The following EFNA5 variants were observed in gnomAD, a reference collection of about 807,000 sequenced individuals.
The protein encoded by EFNA5 is ephrin-A5.
Under a neutral mutation model 22.9 loss-of-function variants are expected in EFNA5, and 5 were observed. The observed-to-expected ratio is 0.22, with a 90% CI of 0.11 to 0.46. The LOEUF (loss-of-function observed/expected upper bound fraction) is 0.46, where lower values mean the gene tolerates loss of function less well. EFNA5 is among the 20% of genes least tolerant of loss of function. The probability of loss-of-function intolerance (pLI) is 0.99; values close to 1 mark genes in which losing one functional copy is unlikely to be tolerated. For synonymous variants in EFNA5, 113 were observed against 112.2 expected (o/e 1.01, Z -0.04); for missense variants, 237 against 293.3 (o/e 0.81, Z 1.40).
At chr5:107,639,972 T>C (rs781070739) in intron 1 of EFNA5, among the ~76,000 whole-genome samples, 4 of 152,182 alleles carry the variant, frequency 2.6e-5, no homozygotes, top group Non-Finnish European at 5.9e-5. Flanking sequence ...TATGTGTCAC[T>C]TATGAAAAAC....
intron 1 of EFNA5, among the ~76,000 whole-genome samples, chr5:107,467,876 G>C (rs1263911237): frequency 6.6e-6 from 1 of 152,168 alleles, no homozygotes; most frequent in Admixed American, 6.5e-5. Flanking sequence ...TCATCAGAAA[G>C]AGGTAACAAA....
intron 1 of EFNA5, among the ~76,000 whole-genome samples, chr5:107,513,048 G>C (rs1249367823): frequency 6.6e-6 from 1 of 152,136 alleles, no homozygotes; most frequent in East Asian, 1.9e-4. Context: ...AGGAGGAATG[G>C]ACTCAGGGAT....
intron 1 of EFNA5, among the ~76,000 whole-genome samples, chr5:107,489,102 T>A (rs1001420853): frequency 1.3e-5 from 2 of 152,224 alleles, no homozygotes; most frequent in Admixed American, 6.5e-5. Flanking sequence ...TAATAGGTTA[T>A]CAATAAGTTA....
intron 1 of EFNA5, among the ~76,000 whole-genome samples, chr5:107,539,491 C>T (rs1204593440): frequency 4.6e-5 from 7 of 152,162 alleles, no homozygotes; most frequent in Admixed American, 3.3e-4. Context: ...AAAAGTCTTG[C>T]TCTTTTGCCC....
intron 1 of EFNA5, among the ~76,000 whole-genome samples, chr5:107,428,412 C>T (rs1748861106): frequency 6.6e-6 from 1 of 152,204 alleles, no homozygotes; most frequent in Non-Finnish European, 1.5e-5. Flanking sequence ...CACCTGAATA[C>T]ACACACCTCC....
intron 1 of EFNA5, among the ~76,000 whole-genome samples, chr5:107,566,180 G>T (rs1240027559): frequency 6.6e-6 from 1 of 152,138 alleles, no homozygotes; most frequent in South Asian, 2.1e-4. Context: ...TGGCACGCAG[G>T]ACCGGTCAAG....
chr5:107,545,278 G>A (rs1209475412), intron 1 of EFNA5, among the ~76,000 whole-genome samples: 1 of 152,216 alleles, frequency 6.6e-6, no homozygotes, highest in African/African-American at 2.4e-5. Flanking sequence ...CCAGAGCTAT[G>A]GGCCACATTT....
At chr5:107,657,291 A>G (rs1357674043) in intron 1 of EFNA5, among the ~76,000 whole-genome samples, 1 of 152,164 alleles carries the variant, frequency 6.6e-6, no homozygotes, top group African/African-American at 2.4e-5. Context: ...AAATTTAACA[A>G]TCTTTGAAGC....
chr5:107,659,499 T>A (rs947940887), intron 1 of EFNA5, among the ~76,000 whole-genome samples: 13 of 146,228 alleles, frequency 8.9e-5, no homozygotes, highest in African/African-American at 3.4e-4. Flanking sequence ...GGTTTTCCTT[T>A]TTTTTTTTTT....
intron 1 of EFNA5, among the ~76,000 whole-genome samples, chr5:107,453,453 AT>A (rs1385213817): frequency 1.3e-5 from 2 of 152,330 alleles, no homozygotes; most frequent in East Asian, 3.9e-4. Context: ...TGAGCCTATT[AT>A]ATATGGGACT....
intron 2 of EFNA5, among the ~76,000 whole-genome samples, chr5:107,399,001 C>T (rs762338508): frequency 5.9e-5 from 9 of 151,998 alleles, no homozygotes; most frequent in Non-Finnish European, 1.2e-4. Flanking sequence ...GGTCCTTGTC[C>T]GAGAACTAGA....
At chr5:107,547,990 G>T (rs947155521) in intron 1 of EFNA5, among the ~76,000 whole-genome samples, 1 of 152,108 alleles carries the variant, frequency 6.6e-6, no homozygotes, top group African/African-American at 2.4e-5. Flanking sequence ...TCCTAAGAAG[G>T]TCTATATAAA....
intron 1 of EFNA5, among the ~76,000 whole-genome samples, chr5:107,467,194 G>C (rs1347148337): frequency 6.6e-6 from 1 of 152,034 alleles, no homozygotes; most frequent in Non-Finnish European, 1.5e-5. Flanking sequence ...TCATCACTTA[G>C]GGCAGTACTT....
At chr5:107,638,085 C>A (rs1750422432) in intron 1 of EFNA5, among the ~76,000 whole-genome samples, 1 of 151,878 alleles carries the variant, frequency 6.6e-6, no homozygotes, top group African/African-American at 2.4e-5. Flanking sequence ...GATCTCCTGA[C>A]CTCATGATCC....
In EFNA5 at chr5:107,670,523, G is replaced by T; in HGVS notation, c.91C>A (p.Arg31Ser). 1.9e-6 allele frequency: 3 copies of T among 1,580,824 alleles called. No individual in the cohort carries two copies. Among genetic ancestry groups the T allele is most frequent in the Non-Finnish European group, 2.6e-6 (3 of 1,162,646 alleles). The stretch of plus-strand genomic sequence containing the variant: ...CTGCTGTTCCAGTAGACAGCGTAGC[G>T]GTCGGCGACGGCCTTGGAGCCCGGG... ...QDPGSKAVAD[R>S]YAVYWNSSNP... is the part of the protein sequence containing the mutation. Residue 31 changes from arginine (R) to serine (S), a missense_variant, in exon 1 of 5, where the codon CGC (arginine) becomes AGC (serine). Transcript: ENST00000333274.
intron 1 of EFNA5, among the ~76,000 whole-genome samples, chr5:107,495,426 G>A (rs1422280038): frequency 2.0e-5 from 3 of 152,226 alleles, no homozygotes; most frequent in African/African-American, 4.8e-5. Context: ...AACTCCAGAC[G>A]CGCCACCTTA....
At chr5:107,386,218 T>C (rs1478007732) in intron 4 of EFNA5, among the ~76,000 whole-genome samples, 1 of 129,596 alleles carries the variant, frequency 7.7e-6, no homozygotes, top group East Asian at 2.2e-4. Context: ...GAAGAGGAAA[T>C]AATTTTATTT....
intron 1 of EFNA5, among the ~76,000 whole-genome samples, chr5:107,607,966 A>G (rs931317053): frequency 1.3e-5 from 2 of 152,054 alleles, no homozygotes; most frequent in African/African-American, 4.8e-5. Flanking sequence ...CTGGTAGTCC[A>G]AGCGATCTAC....
rs1747351641 is a variant in EFNA5 at position 107,378,949 on chromosome 5, C to A, written c.*2306G>T. On this transcript the variant is annotated 3_prime_UTR_variant, in exon 5 of 5. Transcript: ENST00000333274. The stretch of plus-strand genomic sequence containing the variant: ...CCATTTTAGAAGGTATCTTTCTCCC[C>A]CTACCCAAATCCCACTGGACCAACA... 9 of 151,974 alleles carry A rather than the reference C, an allele frequency of 5.9e-5. No individual in the cohort carries two copies. The highest frequency in any genetic ancestry group is 5.9e-4 in the Admixed American group (9 of 15,250). The allele number at this position is 151,974 out of a possible 1,614,324, so 9.4% of individuals were successfully genotyped here.
Sources: gnomAD v4.1 joint callset for allele counts (sites outside exome capture counted in the v4.1 genomes callset) on GRCh38, gnomAD v4.1.1 for gene constraint, MANE v1.5 for transcripts, NCBI Gene and HGNC (gene_info 2026-07-23, HGNC 2026-07-21) for gene names.